The following SPRED2 variants were observed in gnomAD, a reference collection of about 807,000 sequenced individuals.
The protein encoded by SPRED2 is sprouty related EVH1 domain containing 2.
Under a neutral mutation model 43.0 loss-of-function variants are expected in SPRED2, and 47 were observed. The ratio of observed to expected loss-of-function variants is 1.09; its 90% CI spans 0.87 to 1.40. The LOEUF is 1.40. Ranked by LOEUF, SPRED2 falls within the 40% of genes most tolerant of loss-of-function variation. The probability of loss-of-function intolerance (pLI) is 0.00; values close to 1 mark genes in which losing one functional copy is unlikely to be tolerated. For synonymous variants in SPRED2, 225 were observed against 225.7 expected (o/e 1.00, Z 0.03); for missense variants, 561 against 586.4 (o/e 0.96, Z 0.45).
Position 65,367,548 on chromosome 2 carries a change from T to C in SPRED2, c.27-22652A>G, listed in dbSNP as rs543296231. Among the ~76,000 whole-genome samples the C allele has an allele frequency of 2.9e-4, 44 of 152,346 alleles. 1 individual carries two copies. In the East Asian group the frequency reaches 8.5e-3, roughly 29 times the overall value. ...GCACTTTTCTAGTTAGGTATAGAGC[T>C]ACCACACATGTGAGTGTGGGAGCTG... On this transcript the variant is annotated intron_variant, in intron 1 of 5. Transcript: ENST00000356388.
intron 1 of SPRED2, among the ~76,000 whole-genome samples, chr2:65,350,345 G>C (rs1674472843): frequency 6.6e-6 from 1 of 152,152 alleles, no homozygotes; most frequent in Non-Finnish European, 1.5e-5. Flanking sequence ...CATTTTAAAA[G>C]AATGCTTCTG....
chr2:65,400,508 A>G (rs1669989209), intron 1 of SPRED2, among the ~76,000 whole-genome samples: 1 of 152,042 alleles, frequency 6.6e-6, no homozygotes, highest in African/African-American at 2.4e-5. Flanking sequence ...CATCTTTTTT[A>G]TCCTCATAGG....
chr2:65,386,581 C>G (rs1312699535), intron 1 of SPRED2, among the ~76,000 whole-genome samples: 1 of 152,190 alleles, frequency 6.6e-6, no homozygotes, highest in Non-Finnish European at 1.5e-5. Flanking sequence ...AACAGTGCTG[C>G]AAACTTAGTA....
chr2:65,418,308 A>AC (rs147935920), intron 1 of SPRED2, among the ~76,000 whole-genome samples: 15,838 of 152,110 alleles, frequency 0.1, 872 homozygotes, highest in East Asian at 0.16. Context: ...ATTTAGCCTC[A>AC]CCTGACTTGA....
At chr2:65,362,518 C>T (rs1674844117) in intron 1 of SPRED2, among the ~76,000 whole-genome samples, 2 of 152,056 alleles carry the variant, frequency 1.3e-5, no homozygotes, top group Admixed American at 6.5e-5. Flanking sequence ...GATCCACCCA[C>T]CTCAGCCTCC....
chr2:65,381,353 C>T (rs1675369868), intron 1 of SPRED2, among the ~76,000 whole-genome samples: 1 of 152,186 alleles, frequency 6.6e-6, no homozygotes, highest in South Asian at 2.1e-4. Context: ...AGAATGACAC[C>T]TTAACAGTTA....
intron 1 of SPRED2, among the ~76,000 whole-genome samples, chr2:65,402,506 T>G (rs1675929346): frequency 6.6e-6 from 1 of 152,152 alleles, no homozygotes; most frequent in Non-Finnish European, 1.5e-5. Flanking sequence ...ATGGCCAGGC[T>G]GGAGAAATCA....
intron 1 of SPRED2, among the ~76,000 whole-genome samples, chr2:65,388,774 G>A (rs1675564868): frequency 6.6e-6 from 1 of 152,166 alleles, no homozygotes; most frequent in African/African-American, 2.4e-5. Flanking sequence ...ATGTTTCCTA[G>A]GTACCCAAAG....
At chr2:65,416,444 C>T (rs1226471299) in intron 1 of SPRED2, among the ~76,000 whole-genome samples, 1 of 152,086 alleles carries the variant, frequency 6.6e-6, no homozygotes, top group East Asian at 1.9e-4. Context: ...CCATCCTGAA[C>T]AAGAGAGTGT....
chr2:65,401,303 G>T (rs1356082339), intron 1 of SPRED2, among the ~76,000 whole-genome samples: 3 of 152,022 alleles, frequency 2.0e-5, no homozygotes, highest in African/African-American at 7.2e-5. Flanking sequence ...AGTTTTGGGA[G>T]GAAGCAGAGA....
intron 2 of SPRED2, among the ~76,000 whole-genome samples, chr2:65,339,053 GC>G (rs1323974529): frequency 7.0e-6 from 1 of 143,552 alleles, no homozygotes; most frequent in Admixed American, 6.8e-5. Flanking sequence ...GAGGTGGGGG[GC>G]TCAGCCCCCC....
intron 1 of SPRED2, among the ~76,000 whole-genome samples, chr2:65,409,691 CAAAAAAAAA>C (rs59225849): frequency 3.3e-5 from 3 of 90,214 alleles, no homozygotes; most frequent in Admixed American, 2.4e-4. Flanking sequence ...CAGTTTCCTG[CAAAAAAAAA>C]AAAAAAAAAA....
chr2:65,388,408 C>A (rs546187433), intron 1 of SPRED2, among the ~76,000 whole-genome samples: 1 of 152,296 alleles, frequency 6.6e-6, no homozygotes, highest in East Asian at 1.9e-4. Context: ...CCTGCCTGCC[C>A]AGTGCCTGGC....
chr2:65,369,733 C>A (rs897777627), intron 1 of SPRED2, among the ~76,000 whole-genome samples: 6 of 37,836 alleles, frequency 1.6e-4, no homozygotes, highest in Admixed American at 5.5e-4. Flanking sequence ...AGCTGAGGAG[C>A]CTGCACCTGT....
intron 1 of SPRED2, among the ~76,000 whole-genome samples, chr2:65,424,958 C>T (rs1676523598): frequency 6.6e-6 from 1 of 152,138 alleles, no homozygotes; most frequent in African/African-American, 2.4e-5. Context: ...CCTAGAAAGA[C>T]AGATGGGCCA....
downstream of SPRED2, among the ~76,000 whole-genome samples, chr2:65,310,207 G>A (rs1293803125): frequency 6.6e-6 from 1 of 151,946 alleles, no homozygotes; most frequent in Non-Finnish European, 1.5e-5. Context: ...AAACTGAAAC[G>A]TTAACACTAA....
At chr2:65,386,358 C>A (rs1033028356) in intron 1 of SPRED2, among the ~76,000 whole-genome samples, 12 of 150,500 alleles carry the variant, frequency 8.0e-5, no homozygotes, top group Middle Eastern at 7.0e-3. Flanking sequence ...GACCTTCTTA[C>A]CCCAGCAGGG....
At chr2:65,391,713 AT>A (rs1001512087) in intron 1 of SPRED2, among the ~76,000 whole-genome samples, 5 of 151,844 alleles carry the variant, frequency 3.3e-5, no homozygotes, top group African/African-American at 7.2e-5. Flanking sequence ...AAGAGGATGA[AT>A]TTTTTTTTAA....
intron 1 of SPRED2, among the ~76,000 whole-genome samples, chr2:65,423,652 C>T (rs1463183725): frequency 6.6e-6 from 1 of 152,172 alleles, no homozygotes; most frequent in African/African-American, 2.4e-5. Flanking sequence ...CTTGTAAATT[C>T]TGAAAAGAAA....
Sources: allele counts gnomAD v4.1 joint callset (sites outside exome capture counted in the v4.1 genomes callset), GRCh38; gene constraint gnomAD v4.1.1; transcripts MANE v1.5; gene names NCBI Gene and HGNC (gene_info 2026-07-23, HGNC 2026-07-21).